Variants in POGLUT3 observed in about 807,000 individuals in gnomAD.
The protein encoded by POGLUT3 is protein O-glucosyltransferase 3.
Under a neutral mutation model 54.3 loss-of-function variants are expected in POGLUT3, and 48 were observed. The ratio of observed to expected loss-of-function variants is 0.88; its 90% CI spans 0.70 to 1.12. The LOEUF (loss-of-function observed/expected upper bound fraction) is 1.12. POGLUT3 is among the 50% of genes most tolerant of loss of function. POGLUT3 has a pLI of 0.00. For synonymous variants in POGLUT3, 218 were observed against 237.4 expected (o/e 0.92, Z 0.75); for missense variants, 629 against 618.7 (o/e 1.02, Z -0.18).
At chr11:108,491,607 CA>C (rs1375934254) in intron 1 of POGLUT3, 6 of 183,420 alleles carry the variant, frequency 3.3e-5, no homozygotes, top group African/African-American at 1.4e-4. Context: ...AGGCTGATCT[CA>C]AACTCCTGAC....
chr11:108,491,289 AAAATC>A (rs1192103941), intron 1 of POGLUT3, 122 bp from the exon 2 acceptor site: 135 of 745,878 alleles, frequency 1.8e-4, no homozygotes, highest in Non-Finnish European at 2.9e-4. Flanking sequence ...TGGTTAAAAA[AAAATC>A]ATTTCCTTTG....
rs1484667927 is a variant in POGLUT3, at chr11:108,474,806, G to A, written c.*21C>T. 1 of 1,613,652 alleles carries A rather than the reference G, an allele frequency of 6.2e-7. No individual in the cohort carries two copies. Among genetic ancestry groups the A allele is most frequent in the East Asian group, 2.2e-5 (1 of 44,858 alleles). ...CCTTAAAGTGTAGCCGGGATACACA[G>A]GAGTGTGATTCTGGGCTGACTCAAA... On this transcript the variant is annotated 3_prime_UTR_variant, in exon 8 of 8. Transcript: ENST00000323468.
chr11:108,489,948 C>T (rs1335069909), intron 2 of POGLUT3, among the ~76,000 whole-genome samples: 2 of 151,938 alleles, frequency 1.3e-5, no homozygotes, highest in African/African-American at 2.4e-5. Context: ...TGCAGTGGCA[C>T]GATCACAGCT....
Position 108,474,687 on chromosome 11 carries a change from T to A in POGLUT3, c.*140A>T. 1 of 808,306 alleles carries A rather than the reference T, an allele frequency of 1.2e-6. No homozygotes were observed. Among genetic ancestry groups the A allele is most frequent in the Non-Finnish European group, 1.9e-6 (1 of 514,472 alleles). The allele number at this position is 808,306 out of a possible 1,614,324, so 50.1% of individuals were successfully genotyped here. On this transcript the variant is annotated 3_prime_UTR_variant, in exon 8 of 8. Coordinates refer to ENST00000323468, the MANE Select transcript of POGLUT3 (RefSeq NM_153705.5). ...CAGATGAGGGATACTCAACCAGTAC[T>A]GCTATATCCATCTACATATATAAAG... is the stretch of plus-strand genomic sequence containing the variant.
rs568405424 is a variant in POGLUT3, at chr11:108,490,039, G to A, written c.400+931C>T. On this transcript the variant is annotated intron_variant, in intron 2 of 7. Coordinates refer to ENST00000323468, the MANE Select transcript of POGLUT3 (RefSeq NM_153705.5). ...GTAGCTGGGACTACAGGTATGTGCC[G>A]CCACACCCAGCTAATTTTTTGTAGA... is the stretch of plus-strand genomic sequence containing the variant. Among the ~76,000 whole-genome samples the A allele has an allele frequency of 1.1e-4, 17 of 152,116 alleles. No homozygotes were observed. In the South Asian group the frequency reaches 2.9e-3, roughly 26 times the overall value.
intron 6 of POGLUT3, 138 bp downstream of exon 6, chr11:108,479,163 T>G (rs1591639816): frequency 3.2e-6 from 2 of 622,412 alleles, no homozygotes; most frequent in Non-Finnish European, 5.3e-6. Flanking sequence ...TCTTTAGATA[T>G]TTCAAGGGAA....
At chr11:108,481,063 G>A (rs2093591313) in intron 5 of POGLUT3, 117 bp downstream of exon 5, 1 of 722,012 alleles carries the variant, frequency 1.4e-6, no homozygotes, top group Non-Finnish European at 2.3e-6. Flanking sequence ...ATAAGAAAGT[G>A]TGAACATGTG....
chr11:108,489,647 C>T (rs540286081), intron 2 of POGLUT3, among the ~76,000 whole-genome samples: 1 of 152,258 alleles, frequency 6.6e-6, no homozygotes, highest in Non-Finnish European at 1.5e-5. Flanking sequence ...CTAGGCCGGG[C>T]ATGGTGGCTC....
At position 108,488,932 on chromosome 11, in the gene POGLUT3, T is replaced by G. The variant is rs190482077; in HGVS notation, c.400+2038A>C. On this transcript the variant is annotated intron_variant, in intron 2 of 7. Transcript: ENST00000323468. ...GGCTTGGGTAAAGTATGCAGAAGGG[T>G]ATTACCTCAGTAGCGGGGAATAATT... Among the ~76,000 whole-genome samples, 566 of 152,202 alleles carry G rather than the reference T, an allele frequency of 3.7e-3. 2 individuals are homozygous for G. Among genetic ancestry groups the G allele is most frequent in the Non-Finnish European group, 7.0e-3 (473 of 68,012 alleles).
chr11:108,493,880 G>C (rs1207761948), intron 1 of POGLUT3, among the ~76,000 whole-genome samples: 1 of 150,748 alleles, frequency 6.6e-6, no homozygotes, highest in Admixed American at 6.6e-5. Flanking sequence ...AAGAAAAATA[G>C]CTAACTGGAT....
intron 6 of POGLUT3, among the ~76,000 whole-genome samples, chr11:108,478,425 A>G (rs112396356): frequency 6.6e-6 from 1 of 152,226 alleles, no homozygotes; most frequent in African/African-American, 2.4e-5. Flanking sequence ...CTCTCTGCAT[A>G]ACAGGAGAAT....
At position 108,477,594 on chromosome 11, in the gene POGLUT3, A is replaced by T; in HGVS notation, c.1398+13T>A. ...ACCCGACCCAGCAGTGTGGACGGAC[A>T]CTCTGAACTGACCTGCAGTACTTGG... On this transcript the variant is annotated intron_variant, in intron 7 of 7. Transcript: ENST00000323468. 6.5e-7 allele frequency: 1 copy of T among 1,530,704 alleles called. No individual in the cohort carries two copies. The highest frequency in any genetic ancestry group is 9.0e-7 in the Non-Finnish European group (1 of 1,105,742). 94.8% of individuals were successfully genotyped at this position (1,530,704 alleles called of 1,614,324 possible).
At chr11:108,481,444 C>G (rs2093592397) in intron 4 of POGLUT3, 68 bp from the exon 5 acceptor site, 2 of 1,168,904 alleles carry the variant, frequency 1.7e-6, no homozygotes, top group Non-Finnish European at 2.4e-6. Context: ...AAGCATAATC[C>G]TCTTTAATCT....
intron 3 of POGLUT3, among the ~76,000 whole-genome samples, chr11:108,484,025 G>A (rs776654489): frequency 6.6e-6 from 1 of 152,076 alleles, no homozygotes; most frequent in African/African-American, 2.4e-5. Context: ...TGCTCACTGT[G>A]GAGTAGGGTT....
At chr11:108,493,894 A>C (rs1279964675) in intron 1 of POGLUT3, among the ~76,000 whole-genome samples, 1 of 152,104 alleles carries the variant, frequency 6.6e-6, no homozygotes, top group Non-Finnish European at 1.5e-5. Context: ...ACTGGATGAG[A>C]ATGCAGTGAC....
intron 3 of POGLUT3, 103 bp from the exon 4 acceptor site, chr11:108,482,325 C>A: frequency 1.3e-6 from 1 of 757,468 alleles, no homozygotes; most frequent in East Asian, 2.7e-5. Flanking sequence ...ACAGGGCTAA[C>A]CATTCAAAAA....
rs2093577528 is a variant in POGLUT3 at position 108,474,893 on chromosome 11, A to C, written c.1458T>G (p.Pro486=). The C allele has an allele frequency of 1.2e-6, 2 of 1,614,132 alleles. No individual in the cohort carries two copies. Among genetic ancestry groups the C allele is most frequent in the South Asian group, 2.2e-5 (2 of 91,080 alleles). ...PEVRDGMELV[P]QPEDSTAICQ... is the part of the protein sequence containing the mutation. Reference sequence around the variant, plus strand: ...AGATGGCTGTGCTATCTTCTGGCTGAGGAACAAGTTCCATTCCATCACGTA... The same window carrying C: ...AGATGGCTGTGCTATCTTCTGGCTGCGGAACAAGTTCCATTCCATCACGTA... Residue 486 remains proline, a synonymous_variant, in exon 8 of 8, where the codon CCT becomes CCG. Coordinates refer to ENST00000323468, the MANE Select transcript of POGLUT3 (RefSeq NM_153705.5).
chr11:108,483,713 G>T (rs976338981), intron 3 of POGLUT3, among the ~76,000 whole-genome samples: 5 of 152,140 alleles, frequency 3.3e-5, no homozygotes, highest in African/African-American at 1.2e-4. Flanking sequence ...CTGCCACCCA[G>T]GCTGGAGTGC....
rs1329790540 is a variant in POGLUT3 at position 108,498,207 on chromosome 11, C to A, written c.160G>T (p.Ala54Ser). 3.3e-6 allele frequency: 5 copies of A among 1,521,226 alleles called. No homozygotes were observed. The African/African-American group carries it at 5.8e-5, about 18-fold the overall frequency. The allele number at this position is 1,521,226 out of a possible 1,614,324, so 94.2% of individuals were successfully genotyped here. A position where few individuals can be genotyped will look rare whatever the true frequency, so the allele number is the denominator to read the frequency against. ...AGGTTCTGGCCCTCCGAGTTGACCG[C>A]CTGCAGGTAGAAATAGCGGACCGGC... Reference protein sequence around the residue: ...VLPVRYFYLQAVNSEGQNLTR... With the variant: ...VLPVRYFYLQSVNSEGQNLTR... The change falls in exon 1 of 8, where the codon GCG becomes TCG. Residue 54 changes from alanine to serine, a missense_variant. Coordinates refer to ENST00000323468, the MANE Select transcript of POGLUT3 (RefSeq NM_153705.5).
Sources: gnomAD v4.1 joint callset for allele counts (sites outside exome capture counted in the v4.1 genomes callset) on GRCh38, gnomAD v4.1.1 for gene constraint, MANE v1.5 for transcripts, NCBI Gene and HGNC (gene_info 2026-07-23, HGNC 2026-07-21) for gene names.